CNNM1: variants seen among roughly 807,000 people sequenced by gnomAD.
CNNM1 encodes the protein metal transporter CNNM1.
A neutral mutation model predicts 78.8 loss-of-function variants in CNNM1; 44 were observed. That is an observed-to-expected ratio of 0.56 (90% CI 0.44 to 0.72). The LOEUF (loss-of-function observed/expected upper bound fraction) is 0.72. CNNM1 is among the 30% of genes least tolerant of loss of function. CNNM1 has a pLI of 0.00. For missense variants in CNNM1, 1,101 were observed against 1,292.2 expected (o/e 0.85, Z 2.27); for synonymous variants, 584 against 581.5 (o/e 1.00, Z -0.06).
intron 9 of CNNM1, 52 bp downstream of exon 9, chr10:99,388,353 G>A: frequency 6.3e-7 from 1 of 1,578,908 alleles, no homozygotes; most frequent in Non-Finnish European, 8.6e-7. Flanking sequence ...TTGCCTTTGG[G>A]CACTGGGATG....
In CNNM1 at chr10:99,361,189, A is replaced by G. The variant is rs149728216; in HGVS notation, c.1858+214A>G. Among the ~76,000 whole-genome samples, 418 of 152,318 alleles carry G rather than the reference A, an allele frequency of 2.7e-3. 3 individuals carry two copies. Among genetic ancestry groups the G allele is most frequent in the African/African-American group, 8.9e-3 (369 of 41,580 alleles). On this transcript the variant is annotated intron_variant, in intron 3 of 10. Transcript: ENST00000356713. ...TGATCTCATAGAGGAAGAAATGAGT[A>G]TAACTCAACTCTTCTACCAGAGAAA...
chr10:99,378,602 G>T (rs1043678980), intron 7 of CNNM1, among the ~76,000 whole-genome samples: 2 of 152,328 alleles, frequency 1.3e-5, no homozygotes, highest in East Asian at 3.9e-4. Flanking sequence ...TGGAACCTGG[G>T]GGATGGGGTG....
intron 7 of CNNM1, among the ~76,000 whole-genome samples, chr10:99,381,148 C>T (rs1046315098): frequency 6.6e-6 from 1 of 152,164 alleles, no homozygotes; most frequent in Admixed American, 6.5e-5. Context: ...CAGCAGCTCA[C>T]GCCTGTAATC....
At chr10:99,349,646 T>C (rs1319588061) in intron 1 of CNNM1, among the ~76,000 whole-genome samples, 1 of 152,140 alleles carries the variant, frequency 6.6e-6, no homozygotes, top group Non-Finnish European at 1.5e-5. Flanking sequence ...GAGTAGCACA[T>C]GTCAAGAGCA....
chr10:99,371,403 A>T, intron 6 of CNNM1, among the ~76,000 whole-genome samples: 1 of 151,008 alleles, frequency 6.6e-6, no homozygotes. Flanking sequence ...CCCCATATTC[A>T]CTCCTTCTTT....
chr10:99,354,615 T>G (rs1472088266), intron 1 of CNNM1, among the ~76,000 whole-genome samples: 2 of 152,124 alleles, frequency 1.3e-5, no homozygotes, highest in Non-Finnish European at 2.9e-5. Context: ...TGATAAATGC[T>G]GTAATAGAGA....
chr10:99,357,652 T>C lies in CNNM1; in HGVS notation c.1714T>C (p.Tyr572His). 1 of 1,607,852 alleles carries C rather than the reference T, an allele frequency of 6.2e-7. No individual in the cohort carries two copies. Among genetic ancestry groups the C allele is most frequent in the Non-Finnish European group, 8.5e-7 (1 of 1,176,642 alleles). Reference sequence around the variant, plus strand: ...GGAGATCCTGGATGAAACTGATCTCTACAGTAAGTGCACGGCCTTGGCTGT... The same window carrying C: ...GGAGATCCTGGATGAAACTGATCTCCACAGTAAGTGCACGGCCTTGGCTGT... ...KSEILDETDL[Y>H]TDNRKKQRVP... Residue 572 changes from tyrosine (Y) to histidine (H), a missense_variant, in exon 2 of 11, where the codon TAC becomes CAC. Around this residue, in one of 3 missense-constraint regions of CNNM1, gnomAD observed 277 missense variants for 423.2 expected, o/e 0.65. Coordinates refer to ENST00000356713, the MANE Select transcript of CNNM1 (RefSeq NM_020348.3).
chr10:99,347,576 A>AACACACAC lies in CNNM1; in HGVS notation c.1574-9920_1574-9913dup, dbSNP rs57477706. Among the ~76,000 whole-genome samples, 484 of 140,900 alleles carry AACACACAC rather than the reference A, an allele frequency of 3.4e-3. 3 individuals carry two copies. The highest frequency in any genetic ancestry group is 9.8e-3 in the African/African-American group (372 of 38,048). 92.4% of individuals were successfully genotyped at this position (140,900 alleles called of 152,430 possible). On this transcript the variant is annotated intron_variant, in intron 1 of 10. Coordinates refer to ENST00000356713, the MANE Select transcript of CNNM1 (RefSeq NM_020348.3). The stretch of plus-strand genomic sequence containing the variant: ...AAGTCAGATCATGTCACCTTTTTGC[A>AACACACAC]ACACACACACACACACACACACAAA...
intron 1 of CNNM1, among the ~76,000 whole-genome samples, chr10:99,347,748 C>T (rs892034082): frequency 3.9e-5 from 6 of 152,064 alleles, no homozygotes; most frequent in Admixed American, 3.9e-4. Flanking sequence ...GTTCTACAGC[C>T]ACCGCATTGG....
chr10:99,375,442 C>G (rs2031933008), intron 6 of CNNM1, among the ~76,000 whole-genome samples: 2 of 152,144 alleles, frequency 1.3e-5, no homozygotes, highest in South Asian at 4.1e-4. Context: ...AAGGACAATC[C>G]TGGGGTTTCT....
chr10:99,362,092 C>T (rs1194356621), intron 3 of CNNM1, 135 bp from the exon 4 acceptor site: 2 of 745,222 alleles, frequency 2.7e-6, no homozygotes, highest in Non-Finnish European at 4.2e-6. Context: ...ACTGCAGAAG[C>T]CCTGCCAACC....
At chr10:99,388,932 G>A (rs145462897) in intron 9 of CNNM1, among the ~76,000 whole-genome samples, 387 of 152,240 alleles carry the variant, frequency 2.5e-3, no homozygotes, top group Non-Finnish European at 4.5e-3. Context: ...GTTGCTCTGA[G>A]CTCCCAGGGT....
rs141945749 is a variant in CNNM1 at position 99,359,305 on chromosome 10, G to A, written c.1718-1530G>A. 5.2e-3 allele frequency among the ~76,000 whole-genome samples: 797 copies of A among 152,294 alleles called. 14 individuals are homozygous for A. Among genetic ancestry groups the A allele is most frequent in the African/African-American group, 0.017 (698 of 41,558 alleles). ...CAGAAAGTTGCTCACTAGTGAGAGC[G>A]AAAGAGCTGGGCTAATAGCCTGTAT... On this transcript the variant is annotated intron_variant, in intron 2 of 10. Coordinates refer to ENST00000356713, the MANE Select transcript of CNNM1 (RefSeq NM_020348.3).
At chr10:99,340,579 A>G (rs1176491762) in intron 1 of CNNM1, among the ~76,000 whole-genome samples, 2 of 152,156 alleles carry the variant, frequency 1.3e-5, no homozygotes, top group African/African-American at 4.8e-5. Flanking sequence ...ACTGTCATAA[A>G]ACGAGTTCCT....
chr10:99,361,439 A>G (rs1339392032), intron 3 of CNNM1, among the ~76,000 whole-genome samples: 1 of 152,258 alleles, frequency 6.6e-6, no homozygotes, highest in Admixed American at 6.5e-5. Context: ...TGTGAAGAAG[A>G]TAAAGTTTGT....
In CNNM1 at chr10:99,377,130, GC is replaced by G. The variant is rs1564957390; in HGVS notation, c.2253del (p.Ser752AlafsTer28). ...SPNRERSDFG[G>X]SNTQLYSSSN... ...AACCGAGAGCGCAGTGACTTTGGGG[GC>G]AGCAACACCCAGCTGTACAGCAGCA... On this transcript the variant is annotated frameshift_variant, in exon 7 of 11. Transcript: ENST00000356713. LOFTEE classifies it high-confidence loss of function. 2 of 1,611,604 alleles carry G rather than the reference GC, an allele frequency of 1.2e-6. No homozygotes were observed. Among genetic ancestry groups the G allele is most frequent in the Non-Finnish European group, 1.7e-6 (2 of 1,178,950 alleles).
intron 9 of CNNM1, among the ~76,000 whole-genome samples, chr10:99,388,839 G>T (rs544295376): frequency 1.3e-5 from 2 of 152,270 alleles, no homozygotes; most frequent in East Asian, 3.9e-4. Flanking sequence ...TTGACCAAAG[G>T]TGTAGCCTAT....
At chr10:99,365,861 A>G (rs2031598766) in intron 6 of CNNM1, among the ~76,000 whole-genome samples, 4 of 152,324 alleles carry the variant, frequency 2.6e-5, no homozygotes, top group South Asian at 4.1e-4. Flanking sequence ...AGAGCTTGAT[A>G]TCATAGTCCC....
chr10:99,387,517 C>T (rs2032340124), intron 7 of CNNM1, among the ~76,000 whole-genome samples: 1 of 152,232 alleles, frequency 6.6e-6, no homozygotes, highest in Admixed American at 6.5e-5. Flanking sequence ...TTAAACTTCT[C>T]CATGGGCAAC....
Sources: gnomAD v4.1 joint callset for allele counts (sites outside exome capture counted in the v4.1 genomes callset) on GRCh38, gnomAD v4.1.1 for gene constraint, gnomAD v4.1.1 regional missense constraint, MANE v1.5 for transcripts, NCBI Gene and HGNC (gene_info 2026-07-23, HGNC 2026-07-21) for gene names.